XIRP2: variants seen among roughly 807,000 people sequenced by gnomAD.
XIRP2 encodes xin actin binding repeat containing 2.
In XIRP2, 236 loss-of-function variants were observed where a neutral mutation model predicts 277.0. That is an observed-to-expected ratio of 0.85 (90% CI 0.77 to 0.95). XIRP2 has a LOEUF of 0.95. Ranked by LOEUF, XIRP2 falls within the 40% of genes least tolerant of loss-of-function variation. The probability of loss-of-function intolerance (pLI) is 0.00; values close to 1 mark genes in which losing one functional copy is unlikely to be tolerated. For synonymous variants in XIRP2, 1,490 were observed against 1,416.5 expected (o/e 1.05, Z -1.17); for missense variants, 4,640 against 4,157.5 (o/e 1.12, Z -3.19).
chr2:167,184,369 CTT>C (rs1428188670), intron 3 of XIRP2, among the ~76,000 whole-genome samples: 6 of 152,164 alleles, frequency 3.9e-5, no homozygotes, highest in African/African-American at 1.4e-4. Flanking sequence ...TTCCACTTCA[CTT>C]TTCTTGGGCT....
intron 2 of XIRP2, among the ~76,000 whole-genome samples, chr2:166,996,090 C>A (rs1687213701): frequency 6.6e-6 from 1 of 152,168 alleles, no homozygotes; most frequent in Non-Finnish European, 1.5e-5. Context: ...GATCCCACTC[C>A]AAGTTGTAGG....
intron 3 of XIRP2, among the ~76,000 whole-genome samples, chr2:167,149,924 A>T (rs1691964107): frequency 6.6e-6 from 1 of 152,046 alleles, no homozygotes; most frequent in Non-Finnish European, 1.5e-5. Flanking sequence ...GAAAGAGACA[A>T]CCAAATTTAA....
chr2:167,051,294 A>C (rs1209797387), intron 2 of XIRP2, among the ~76,000 whole-genome samples: 14 of 152,114 alleles, frequency 9.2e-5, no homozygotes, highest in Non-Finnish European at 1.6e-4. Flanking sequence ...TACCATTTAC[A>C]GTGTGTCACC....
At chr2:166,946,130 C>A (rs1295773093) in intron 2 of XIRP2, among the ~76,000 whole-genome samples, 2 of 152,106 alleles carry the variant, frequency 1.3e-5, no homozygotes, top group African/African-American at 2.4e-5. Context: ...CAGAATATAA[C>A]AATGACAATT....
intron 3 of XIRP2, among the ~76,000 whole-genome samples, chr2:167,181,794 T>C (rs906034813): frequency 1.3e-5 from 2 of 152,206 alleles, no homozygotes; most frequent in African/African-American, 2.4e-5. Context: ...ATTTTTTATA[T>C]TGGGAGCCAG....
intron 5 of XIRP2, among the ~76,000 whole-genome samples, chr2:167,239,570 G>C (rs1247995965): frequency 6.6e-6 from 1 of 152,152 alleles, no homozygotes; most frequent in Middle Eastern, 3.2e-3. Context: ...AAAGGCAAGG[G>C]AATGGATTGT....
chr2:166,905,190 A>T (rs183769368), intron 2 of XIRP2, among the ~76,000 whole-genome samples: 13 of 152,166 alleles, frequency 8.5e-5, no homozygotes, highest in Admixed American at 8.5e-4. Context: ...CACAACAAAG[A>T]TAGTTACAAT....
chr2:167,099,540 C>T (rs1352708609), intron 2 of XIRP2, among the ~76,000 whole-genome samples: 3 of 146,098 alleles, frequency 2.1e-5, no homozygotes, highest in Admixed American at 2.0e-4. Context: ...TCTGGCATTC[C>T]AGGCACCACT....
At chr2:166,946,062 T>C (rs1166899808) in intron 2 of XIRP2, among the ~76,000 whole-genome samples, 1 of 152,160 alleles carries the variant, frequency 6.6e-6, no homozygotes, top group Non-Finnish European at 1.5e-5. Flanking sequence ...GGTTATCTTT[T>C]CTATGGTTTC....
chr2:166,928,900 G>T (rs1218601053), intron 2 of XIRP2, among the ~76,000 whole-genome samples: 1 of 152,020 alleles, frequency 6.6e-6, no homozygotes, highest in Non-Finnish European at 1.5e-5. Context: ...ACTCCAGGGG[G>T]AGTAATTCTT....
At position 167,248,445 on chromosome 2, in the gene XIRP2, A is replaced by G. The variant is rs1210618200; in HGVS notation, c.7053A>G (p.Val2351=). 5.6e-6 allele frequency: 9 copies of G among 1,613,744 alleles called. No homozygotes were observed. The East Asian group carries it at 2.0e-4, about 36-fold the overall frequency. ...GCCTCCCTCTTCCTCCACCTCCAGT[A>G]GATGAGAAATCTGAAAGAGAAAGTT... ...FPGLPLPPPP[V]DEKSERESSS... Residue 2351 remains valine, a synonymous_variant, in exon 9 of 11, where the codon GTA becomes GTG. Coordinates refer to ENST00000409195, the MANE Select transcript of XIRP2 (RefSeq NM_152381.6).
chr2:167,206,570 G>A (rs145334906), intron 3 of XIRP2, among the ~76,000 whole-genome samples: 21 of 152,124 alleles, frequency 1.4e-4, no homozygotes, highest in Admixed American at 3.3e-4. Flanking sequence ...CTCACAACCC[G>A]GACACTGTCA....
intron 2 of XIRP2, among the ~76,000 whole-genome samples, chr2:167,112,231 C>T (rs1690777644): frequency 6.6e-6 from 1 of 151,554 alleles, no homozygotes; most frequent in African/African-American, 2.4e-5. Context: ...TCTTGCTTCT[C>T]TAGTTCTTCT....
intron 2 of XIRP2, among the ~76,000 whole-genome samples, chr2:167,088,346 T>C (rs1206683180): frequency 6.6e-6 from 1 of 152,084 alleles, no homozygotes; most frequent in African/African-American, 2.4e-5. Context: ...TCCCTGCATT[T>C]CTGACTAGGT....
chr2:166,988,632 G>A (rs1249545179), intron 2 of XIRP2, among the ~76,000 whole-genome samples: 2 of 125,190 alleles, frequency 1.6e-5, no homozygotes, highest in African/African-American at 6.5e-5. Context: ...CCGAAGCAGG[G>A]CGAGGCATTG....
chr2:167,156,091 T>TA (rs1692188557), intron 3 of XIRP2, among the ~76,000 whole-genome samples: 2 of 151,078 alleles, frequency 1.3e-5, no homozygotes, highest in Admixed American at 1.3e-4. Context: ...CTCAATGAAA[T>TA]AAAAGAGGAT....
chr2:167,194,619 G>A (rs189739548), intron 3 of XIRP2, among the ~76,000 whole-genome samples: 87 of 152,156 alleles, frequency 5.7e-4, no homozygotes, highest in African/African-American at 1.9e-3. Flanking sequence ...TGAACTCCAC[G>A]TAACACTTTA....
chr2:167,207,187 A>G (rs1415036508), intron 3 of XIRP2, among the ~76,000 whole-genome samples: 1 of 152,208 alleles, frequency 6.6e-6, no homozygotes, highest in Non-Finnish European at 1.5e-5. Flanking sequence ...AGAACATATC[A>G]TTTTTATAAA....
At chr2:167,098,874 G>C (rs541027156) in intron 2 of XIRP2, among the ~76,000 whole-genome samples, 22 of 152,316 alleles carry the variant, frequency 1.4e-4, no homozygotes, top group African/African-American at 5.3e-4. Context: ...ACCAGTGGAG[G>C]CTGCAGAATA....
Sources: gnomAD v4.1 joint callset for allele counts (sites outside exome capture counted in the v4.1 genomes callset) on GRCh38, gnomAD v4.1.1 for gene constraint, MANE v1.5 for transcripts, NCBI Gene and HGNC (gene_info 2026-07-23, HGNC 2026-07-21) for gene names.